The following EYS variants were observed in gnomAD, a reference collection of about 807,000 sequenced individuals.
EYS encodes protein eyes shut homolog.
EYS carries 250 observed loss-of-function variants against 282.1 expected under a neutral mutation model. The observed-to-expected ratio is 0.89, with a 90% confidence interval of 0.80 to 0.98. EYS has a LOEUF of 0.98. EYS is among the 50% of genes least tolerant of loss of function. EYS has a pLI of 0.00. For missense variants in EYS, 4,016 were observed against 3,709.0 expected, an observed-to-expected ratio of 1.08 and a Z score of -2.15; for synonymous variants, 1,355 against 1,282.9, an observed-to-expected ratio of 1.06 and a Z score of -1.20.
At position 64,463,154 on chromosome 6, in the gene EYS, T is replaced by A. The variant is rs192432723; in HGVS notation, c.5645-23802A>T. 1.2e-3 allele frequency among the ~76,000 whole-genome samples: 178 copies of A among 152,116 alleles called. 1 individual carries two copies. The highest frequency in any genetic ancestry group is 1.9e-3 in the Non-Finnish European group (130 of 67,996). ...TTTTACTAGAGATGGGGTTTCACCG[T>A]GTTAGCCAGGATGGTCTCGATCTCC... On this transcript the variant is annotated intron_variant, in intron 26 of 42. Coordinates refer to ENST00000503581, the MANE Select transcript of EYS (RefSeq NM_001142800.2).
intron 8 of EYS, among the ~76,000 whole-genome samples, chr6:65,369,223 T>C (rs898428159): frequency 6.8e-6 from 1 of 146,134 alleles, no homozygotes; most frequent in African/African-American, 2.5e-5. Flanking sequence ...AAGCAGTACA[T>C]ATATATATAT....
intron 13 of EYS, among the ~76,000 whole-genome samples, chr6:65,043,867 A>T (rs1388591247): frequency 6.6e-6 from 1 of 151,684 alleles, no homozygotes; most frequent in East Asian, 1.9e-4. Context: ...TCCCTTCAAC[A>T]TACAGATTTC....
intron 2 of EYS, among the ~76,000 whole-genome samples, chr6:65,502,073 T>C (rs1395754689): frequency 6.6e-6 from 1 of 151,762 alleles, no homozygotes; most frequent in Non-Finnish European, 1.5e-5. Flanking sequence ...GTTTTAGCTT[T>C]CATGAAAAAA....
At chr6:65,190,414 T>TTC (rs1371432178) in intron 12 of EYS, among the ~76,000 whole-genome samples, 3 of 150,972 alleles carry the variant, frequency 2.0e-5, no homozygotes, top group African/African-American at 7.3e-5. Flanking sequence ...TACTCATTTT[T>TTC]TCTTTGGTTT....
chr6:64,260,807 C>T (rs1767560588), intron 30 of EYS, among the ~76,000 whole-genome samples: 1 of 151,684 alleles, frequency 6.6e-6, no homozygotes, highest in Admixed American at 6.6e-5. Context: ...GGTATATCTC[C>T]ATTAGTTTAA....
intron 35 of EYS, among the ~76,000 whole-genome samples, chr6:63,929,088 G>A (rs1764810383): frequency 6.6e-6 from 1 of 152,046 alleles, no homozygotes; most frequent in Non-Finnish European, 1.5e-5. Context: ...AAGTAGACGG[G>A]GTCAAATGGG....
At chr6:64,230,382 T>C (rs541386439) in intron 31 of EYS, among the ~76,000 whole-genome samples, 4 of 152,344 alleles carry the variant, frequency 2.6e-5, no homozygotes, top group South Asian at 4.1e-4. Context: ...ATATGTTGAA[T>C]GGCATTCCTA....
intron 29 of EYS, among the ~76,000 whole-genome samples, chr6:64,366,953 A>G (rs1772202967): frequency 6.6e-6 from 1 of 152,060 alleles, no homozygotes; most frequent in South Asian, 2.1e-4. Flanking sequence ...AATTTAGTGC[A>G]ATATAAAGGA....
intron 26 of EYS, among the ~76,000 whole-genome samples, chr6:64,541,446 G>A (rs1764693230): frequency 6.6e-6 from 1 of 152,106 alleles, no homozygotes; most frequent in Non-Finnish European, 1.5e-5. Context: ...TTAGAGAAAA[G>A]AGTGGTCATC....
At chr6:64,666,469 T>A (rs1465896209) in intron 22 of EYS, among the ~76,000 whole-genome samples, 1 of 152,202 alleles carries the variant, frequency 6.6e-6, no homozygotes, top group Non-Finnish European at 1.5e-5. Context: ...TCTCCCCTAG[T>A]TCCCATGACA....
intron 12 of EYS, among the ~76,000 whole-genome samples, chr6:65,086,162 A>T (rs1448816192): frequency 6.6e-6 from 1 of 152,048 alleles, no homozygotes; most frequent in Non-Finnish European, 1.5e-5. Flanking sequence ...CTAAAAATAC[A>T]AAAATTAGCT....
chr6:65,461,055 T>A (rs1479460952), intron 5 of EYS, among the ~76,000 whole-genome samples: 1 of 152,154 alleles, frequency 6.6e-6, no homozygotes, highest in Non-Finnish European at 1.5e-5. Flanking sequence ...AATATTATGA[T>A]TCTCTATTCA....
intron 16 of EYS, among the ~76,000 whole-genome samples, chr6:64,911,267 C>T (rs1007407420): frequency 3.3e-5 from 5 of 151,966 alleles, no homozygotes; most frequent in African/African-American, 9.7e-5. Flanking sequence ...TTTTTCTTCT[C>T]TATCTTGTTT....
intron 22 of EYS, among the ~76,000 whole-genome samples, chr6:64,735,176 C>T (rs1309796499): frequency 2.6e-5 from 4 of 152,094 alleles, no homozygotes; most frequent in South Asian, 2.1e-4. Flanking sequence ...CTCCATCTTC[C>T]GGGTTCACGC....
intron 1 of EYS, among the ~76,000 whole-genome samples, chr6:65,689,085 T>A (rs1769140739): frequency 6.7e-6 from 1 of 150,256 alleles, no homozygotes; most frequent in Admixed American, 6.7e-5. Context: ...GTATGTTTAT[T>A]GTGGCACTGT....
At chr6:64,096,190 T>C (rs1014198411) in intron 31 of EYS, among the ~76,000 whole-genome samples, 1 of 152,228 alleles carries the variant, frequency 6.6e-6, no homozygotes. Flanking sequence ...TAACATTTTA[T>C]CCTTCATTTC....
chr6:63,794,842 A>C (rs1770602437), intron 37 of EYS, among the ~76,000 whole-genome samples: 2 of 152,206 alleles, frequency 1.3e-5, no homozygotes, highest in South Asian at 4.1e-4. Flanking sequence ...GCAGAACACA[A>C]ACCCACAGTG....
intron 12 of EYS, among the ~76,000 whole-genome samples, chr6:65,196,176 C>T (rs917665456): frequency 2.6e-5 from 4 of 151,898 alleles, no homozygotes; most frequent in Admixed American, 1.3e-4. Context: ...ATTTCCCAAA[C>T]GAGTGCTACT....
intron 2 of EYS, among the ~76,000 whole-genome samples, chr6:65,497,840 A>C (rs959921015): frequency 8.6e-5 from 13 of 152,016 alleles, no homozygotes; most frequent in Non-Finnish European, 1.6e-4. Context: ...GTTTTGCTTA[A>C]AGTCACAATT....
Sources: allele counts gnomAD v4.1 joint callset (sites outside exome capture counted in the v4.1 genomes callset), GRCh38; gene constraint gnomAD v4.1.1; transcripts MANE v1.5; gene names NCBI Gene and HGNC (gene_info 2026-07-23, HGNC 2026-07-21).